MEI4: variants seen among roughly 807,000 people sequenced by gnomAD.
The protein encoded by MEI4 is meiotic double-stranded break formation protein 4.
Under a neutral mutation model 31.4 loss-of-function variants are expected in MEI4, and 27 were observed. The ratio of observed to expected loss-of-function variants is 0.86; its 90% CI spans 0.63 to 1.19. The LOEUF (loss-of-function observed/expected upper bound fraction) is 1.19. Among genes scored for constraint, MEI4 ranks in the 50% most tolerant of loss-of-function variants. The pLI, the probability that MEI4 is intolerant of heterozygous loss-of-function variation, is 0.00. For missense variants in MEI4, 329 were observed against 398.9 expected (o/e 0.82, Z 1.49); for synonymous variants, 122 against 145.4 (o/e 0.84, Z 1.16).
chr6:77,821,799 C>CA (rs34905460), intron 3 of MEI4, among the ~76,000 whole-genome samples: 24,045 of 92,212 alleles, frequency 0.26, 2,583 homozygotes, highest in South Asian at 0.34. Flanking sequence ...GCCATCTCTC[C>CA]AAAAAAAAAA....
At chr6:77,885,331 A>G (rs1771593531) in intron 4 of MEI4, among the ~76,000 whole-genome samples, 1 of 151,894 alleles carries the variant, frequency 6.6e-6, no homozygotes, top group South Asian at 2.1e-4. Flanking sequence ...GACTACAGGT[A>G]TGCACCACCA....
At chr6:77,731,111 A>G (rs1377877958) in intron 2 of MEI4, among the ~76,000 whole-genome samples, 1 of 151,972 alleles carries the variant, frequency 6.6e-6, no homozygotes, top group African/African-American at 2.4e-5. Flanking sequence ...TCTTTATAGC[A>G]GCATGATTTA....
intron 1 of MEI4, among the ~76,000 whole-genome samples, chr6:77,659,249 G>A (rs71563051): frequency 0.082 from 12,496 of 152,052 alleles, 679 homozygotes; most frequent in East Asian, 0.22. Context: ...AGGGGAACAG[G>A]GAGCTCTTCG....
chr6:77,854,376 G>T (rs75833485), intron 4 of MEI4, among the ~76,000 whole-genome samples: 9 of 148,498 alleles, frequency 6.1e-5, no homozygotes, highest in African/African-American at 2.2e-4. Context: ...AATGAATAAT[G>T]TACAATGCAG....
chr6:77,863,536 A>AAG (rs1460109492), intron 4 of MEI4, among the ~76,000 whole-genome samples: 2 of 152,186 alleles, frequency 1.3e-5, no homozygotes, highest in Non-Finnish European at 2.9e-5. Context: ...TTAGAGAAAA[A>AAG]AGAAAAAAAG....
At chr6:77,771,444 C>A (rs1434399829) in intron 3 of MEI4, among the ~76,000 whole-genome samples, 1 of 151,920 alleles carries the variant, frequency 6.6e-6, no homozygotes, top group Non-Finnish European at 1.5e-5. Flanking sequence ...TGGGTATATA[C>A]CCAAAGAAAT....
intron 4 of MEI4, among the ~76,000 whole-genome samples, chr6:77,922,350 A>AT (rs1766723097): frequency 6.6e-6 from 1 of 151,728 alleles, no homozygotes; most frequent in Non-Finnish European, 1.5e-5. Context: ...CAGAGGATCC[A>AT]TTTCCTTGAC....
intron 3 of MEI4, among the ~76,000 whole-genome samples, chr6:77,763,738 A>G (rs1215612479): frequency 6.6e-6 from 1 of 152,120 alleles, no homozygotes; most frequent in Non-Finnish European, 1.5e-5. Context: ...TTTCAGGAAG[A>G]GTTTAAGAAA....
chr6:77,796,630 G>C (rs758561225), intron 3 of MEI4, among the ~76,000 whole-genome samples: 3 of 152,062 alleles, frequency 2.0e-5, no homozygotes, highest in Non-Finnish European at 4.4e-5. Flanking sequence ...TCAAAAATAG[G>C]AATAAGTTTA....
chr6:77,806,486 T>C (rs1233341239), intron 3 of MEI4, among the ~76,000 whole-genome samples: 2 of 152,122 alleles, frequency 1.3e-5, no homozygotes, highest in Non-Finnish European at 2.9e-5. Context: ...ATGGGGTGAT[T>C]CTCACCCTGC....
At chr6:77,689,109 CAAAG>C (rs931320633) in intron 1 of MEI4, among the ~76,000 whole-genome samples, 1 of 151,778 alleles carries the variant, frequency 6.6e-6, no homozygotes, top group African/African-American at 2.4e-5. Flanking sequence ...AGAAAAATAA[CAAAG>C]AAATGAAGAT....
At chr6:77,916,578 A>C (rs913127914) in intron 4 of MEI4, among the ~76,000 whole-genome samples, 1 of 151,974 alleles carries the variant, frequency 6.6e-6, no homozygotes, top group Non-Finnish European at 1.5e-5. Flanking sequence ...CCATGGCTTT[A>C]CCTACTAATT....
chr6:77,657,550 A>G (rs1224807011), intron 1 of MEI4, among the ~76,000 whole-genome samples: 4 of 151,850 alleles, frequency 2.6e-5, no homozygotes, highest in East Asian at 1.9e-4. Context: ...GGTGTCAACA[A>G]TCCCTCAGCT....
chr6:77,720,772 G>A (rs373219552), intron 2 of MEI4, among the ~76,000 whole-genome samples: 6,153 of 61,828 alleles, frequency 0.1, 452 homozygotes, highest in East Asian at 0.16. Context: ...TTGTTCATTT[G>A]CTTTAGTCAA....
At chr6:77,821,533 C>A (rs559729493) in intron 3 of MEI4, among the ~76,000 whole-genome samples, 10 of 152,090 alleles carry the variant, frequency 6.6e-5, no homozygotes, top group Admixed American at 2.6e-4. Context: ...TGGTGGCTCA[C>A]GCCTGTAATC....
intron 2 of MEI4, among the ~76,000 whole-genome samples, chr6:77,697,185 C>T (rs1435946534): frequency 6.6e-6 from 1 of 152,160 alleles, no homozygotes; most frequent in Non-Finnish European, 1.5e-5. Context: ...TGCTAGCGGT[C>T]TATCAATTTT....
chr6:77,729,691 C>T (rs1431066471), intron 2 of MEI4, among the ~76,000 whole-genome samples: 1 of 151,804 alleles, frequency 6.6e-6, no homozygotes, highest in Non-Finnish European at 1.5e-5. Context: ...AGGGTACAAA[C>T]AGTGTAGAGA....
chr6:77,788,415 G>A (rs1768809445), intron 3 of MEI4, among the ~76,000 whole-genome samples: 4 of 152,128 alleles, frequency 2.6e-5, no homozygotes, highest in Admixed American at 2.0e-4. Flanking sequence ...CAATCAGGCA[G>A]GAGAAGGAAA....
At chr6:77,705,137 G>T (rs1343406743) in intron 2 of MEI4, among the ~76,000 whole-genome samples, 2 of 152,110 alleles carry the variant, frequency 1.3e-5, no homozygotes, top group African/African-American at 4.8e-5. Flanking sequence ...TAACAATTGG[G>T]TGTTGTTGAT....
Sources: allele counts gnomAD v4.1 joint callset (sites outside exome capture counted in the v4.1 genomes callset), GRCh38; gene constraint gnomAD v4.1.1; transcripts MANE v1.5; gene names NCBI Gene and HGNC (gene_info 2026-07-23, HGNC 2026-07-21).